The following CAT variants were observed in gnomAD, a reference collection of about 807,000 sequenced individuals.
CAT encodes catalase.
In CAT, 43 loss-of-function variants were observed where a neutral mutation model predicts 59.0. The ratio of observed to expected loss-of-function variants is 0.73; its 90% CI spans 0.57 to 0.94. CAT has a LOEUF of 0.94. Ranked by LOEUF, CAT falls within the 40% of genes least tolerant of loss-of-function variation. The pLI is 0.00. For synonymous variants in CAT, 218 were observed against 230.9 expected (o/e 0.94, Z 0.51); for missense variants, 664 against 682.9 (o/e 0.97, Z 0.31).
At chr11:34,455,690 G>A (rs1856580098) in intron 6 of CAT, among the ~76,000 whole-genome samples, 1 of 152,116 alleles carries the variant, frequency 6.6e-6, no homozygotes, top group African/African-American at 2.4e-5. Flanking sequence ...CTACTTTTAA[G>A]TATATTTTGA....
At chr11:34,442,807 T>C (rs1361244015) in intron 1 of CAT, among the ~76,000 whole-genome samples, 3 of 152,022 alleles carry the variant, frequency 2.0e-5, no homozygotes, top group African/African-American at 7.2e-5. Context: ...TATATGAGTG[T>C]GGGAAGGTTT....
intron 1 of CAT, among the ~76,000 whole-genome samples, chr11:34,446,665 C>T (rs1443712721): frequency 6.6e-6 from 1 of 152,158 alleles, no homozygotes; most frequent in Non-Finnish European, 1.5e-5. Flanking sequence ...ATGTAAATAA[C>T]ACTCTCATCT....
intron 1 of CAT, among the ~76,000 whole-genome samples, chr11:34,443,080 A>AT (rs1204887097): frequency 6.6e-6 from 1 of 152,212 alleles, no homozygotes; most frequent in Non-Finnish European, 1.5e-5. Flanking sequence ...AACAGATGGT[A>AT]TTAAAAAAAA....
At chr11:34,464,323 A>G in intron 10 of CAT, 88 bp downstream of exon 10, 8 of 1,283,044 alleles carry the variant, frequency 6.2e-6, no homozygotes, top group Non-Finnish European at 9.1e-6. Context: ...CAAATGCCCC[A>G]ACTGTCTGAT....
chr11:34,467,477 G>A (rs994335910), intron 10 of CAT, among the ~76,000 whole-genome samples: 13 of 149,424 alleles, frequency 8.7e-5, no homozygotes, highest in African/African-American at 2.9e-4. Context: ...TGGAAATGAT[G>A]CATCTCTTAA....
intron 2 of CAT, 34 bp from the exon 3 acceptor site, chr11:34,450,954 C>T (rs759368735): frequency 3.6e-6 from 5 of 1,398,942 alleles, no homozygotes; most frequent in Non-Finnish European, 1.0e-6. Context: ...GAGTAATGGT[C>T]TCATGGTAAG....
chr11:34,453,203 C>A lies in CAT; in HGVS notation c.585+9C>A, dbSNP rs747150397. 14 of 1,517,270 alleles carry A rather than the reference C, an allele frequency of 9.2e-6. No homozygotes were observed. Among genetic ancestry groups the A allele is most frequent in the Non-Finnish European group, 1.3e-5 (14 of 1,091,770 alleles). The allele number at this position is 1,517,270 out of a possible 1,614,324, so 94.0% of individuals were successfully genotyped here. On this transcript the variant is annotated intron_variant, in intron 5 of 12. Transcript: ENST00000241052. ...CTGAGTCTCTGCATCAGGTATGAAC[C>A]CTTTTTTGCCATTGTATTATATCAC...
At chr11:34,449,972 C>CA in intron 2 of CAT, among the ~76,000 whole-genome samples, 1 of 152,288 alleles carries the variant, frequency 6.6e-6, no homozygotes, top group Non-Finnish European at 1.5e-5. Context: ...AGGGTGGACT[C>CA]ACACTGGGAC....
chr11:34,466,537 G>A (rs1355811058), intron 10 of CAT, among the ~76,000 whole-genome samples: 1 of 152,100 alleles, frequency 6.6e-6, no homozygotes, highest in Non-Finnish European at 1.5e-5. Context: ...CAGCACTTTG[G>A]GAGGCTGAGG....
intron 1 of CAT, among the ~76,000 whole-genome samples, chr11:34,448,587 T>C (rs1856486462): frequency 6.6e-6 from 1 of 152,218 alleles, no homozygotes; most frequent in Non-Finnish European, 1.5e-5. Flanking sequence ...ACATTTGCTA[T>C]CTTTAAAACA....
intron 10 of CAT, among the ~76,000 whole-genome samples, chr11:34,466,566 A>G (rs1856720021): frequency 2.0e-5 from 3 of 151,990 alleles, no homozygotes; most frequent in Admixed American, 2.0e-4. Context: ...TCACGAGGTC[A>G]GGAGATCAAG....
intron 4 of CAT, among the ~76,000 whole-genome samples, chr11:34,452,776 G>A (rs557447712): frequency 2.0e-5 from 3 of 151,712 alleles, no homozygotes; most frequent in Admixed American, 1.3e-4. Context: ...ATTTGCTTGA[G>A]CCCAGGAGGT....
At chr11:34,463,055 C>T (rs956130926) in intron 9 of CAT, among the ~76,000 whole-genome samples, 4 of 152,108 alleles carry the variant, frequency 2.6e-5, no homozygotes, top group Admixed American at 6.5e-5. Flanking sequence ...TACATAGGCA[C>T]CTCTTGATTA....
chr11:34,464,579 A>C (rs1042958993), intron 10 of CAT, among the ~76,000 whole-genome samples: 1 of 152,154 alleles, frequency 6.6e-6, no homozygotes, highest in African/African-American at 2.4e-5. Flanking sequence ...TGGGCAGGAC[A>C]GTCCAGGTTC....
chr11:34,458,014 T>C (rs1457284465), intron 8 of CAT, among the ~76,000 whole-genome samples: 1 of 152,262 alleles, frequency 6.6e-6, no homozygotes, highest in East Asian at 1.9e-4. Context: ...ACAAATTGAG[T>C]ACCTGTCTGT....
intron 8 of CAT, among the ~76,000 whole-genome samples, chr11:34,458,811 C>T (rs1452547526): frequency 6.6e-6 from 1 of 152,162 alleles, no homozygotes; most frequent in East Asian, 1.9e-4. Context: ...GAGAACTAGG[C>T]CCCCGGGAAA....
Position 34,464,219 on chromosome 11 carries a change from A to T in CAT, c.1310A>T (p.Asp437Val), listed in dbSNP as rs771347772. The change falls in exon 10 of 13, where the codon GAT becomes GTT. Residue 437 changes from aspartate (D) to valine (V), a missense_variant. Coordinates refer to ENST00000241052, the MANE Select transcript of CAT (RefSeq NM_001752.4). ...GTGCGGAGATTCAACACTGCCAATG[A>T]TGATAACGTTACTCAGGTAATGACT... ...GEVRRFNTAN[D>V]DNVTQVRAFY... 2.5e-6 allele frequency: 4 copies of T among 1,614,112 alleles called. No homozygotes were observed. Among genetic ancestry groups the T allele is most frequent in the Non-Finnish European group, 3.4e-6 (4 of 1,179,958 alleles).
chr11:34,441,275 G>A (rs1296382438), intron 1 of CAT, among the ~76,000 whole-genome samples: 3 of 152,168 alleles, frequency 2.0e-5, no homozygotes, highest in Non-Finnish European at 4.4e-5. Flanking sequence ...ATTTTGCAGT[G>A]TATATCTATA....
chr11:34,468,353 CG>C lies in CAT; in HGVS notation c.1394del (p.Gly465AlafsTer3). 5.0e-6 allele frequency: 8 copies of C among 1,613,982 alleles called. No individual in the cohort carries two copies. The highest frequency in any genetic ancestry group is 6.8e-6 in the Non-Finnish European group (8 of 1,179,960). The part of the protein sequence containing the change: ...QRKRLCENIA[G>X]HLKDAQIFIQ... ...GGAAACGTCTGTGTGAGAACATTGCCGGCCACCTGAAGGATGCACAAATTTT... is the reference window on the plus strand; with the variant it reads ...GGAAACGTCTGTGTGAGAACATTGCCGCCACCTGAAGGATGCACAAATTTT... On this transcript the variant is annotated frameshift_variant, in exon 11 of 13. Transcript: ENST00000241052. LOFTEE classifies it high-confidence loss of function.
Sources: allele counts gnomAD v4.1 joint callset (sites outside exome capture counted in the v4.1 genomes callset), GRCh38; gene constraint gnomAD v4.1.1; transcripts MANE v1.5; gene names NCBI Gene and HGNC (gene_info 2026-07-23, HGNC 2026-07-21).